Variants in CDK10 observed in about 807,000 individuals in gnomAD.
CDK10 encodes the protein cyclin-dependent kinase 10.
CDK10 carries 55 observed loss-of-function variants against 51.0 expected under a neutral mutation model. The observed-to-expected ratio is 1.08, with a 90% CI of 0.87 to 1.35. The LOEUF is 1.35. CDK10 is among the 40% of genes most tolerant of loss of function. The pLI, the probability that CDK10 is intolerant of heterozygous loss-of-function variation, is 0.00. For missense variants in CDK10, 589 were observed against 485.1 expected, an observed-to-expected ratio of 1.21 and a Z score of -2.01; for synonymous variants, 255 against 199.1, an observed-to-expected ratio of 1.28 and a Z score of -2.36.
chr16:89,695,149 C>G, intron 11 of CDK10, 79 bp downstream of exon 11: 8 of 1,552,818 alleles, frequency 5.2e-6, no homozygotes, highest in Non-Finnish European at 7.0e-6. Context: ...AGCCTCACTG[C>G]GGTGGAGAGG....
chr16:89,686,924 A>G (rs2060215092), intron 1 of CDK10, 127 bp downstream of exon 1: 1 of 765,462 alleles, frequency 1.3e-6, no homozygotes, highest in African/African-American at 1.9e-5. Flanking sequence ...ACAGTCCCAG[A>G]GTTCCCCGCG....
intron 1 of CDK10, 65 bp downstream of exon 1, chr16:89,686,862 G>C: frequency 7.2e-7 from 1 of 1,396,898 alleles, no homozygotes; most frequent in Non-Finnish European, 9.9e-7. Flanking sequence ...GCTGGGTCTG[G>C]GGAGCCTCGT....
intron 8 of CDK10, 113 bp downstream of exon 8, chr16:89,693,580 G>C: frequency 9.6e-7 from 1 of 1,043,332 alleles, no homozygotes; most frequent in Non-Finnish European, 1.5e-6. Flanking sequence ...AAGCTACAGG[G>C]TCTGTGCACA....
chr16:89,690,728 G>C, intron 3 of CDK10, 104 bp downstream of exon 3: 1 of 1,012,244 alleles, frequency 9.9e-7, no homozygotes, highest in Non-Finnish European at 1.6e-6. Context: ...TTGTAGCGGG[G>C]GCCGGCCTCT....
In CDK10 at chr16:89,694,726, G is replaced by T; in HGVS notation, c.730G>T (p.Glu244Ter). ...AHRPLLPGTS[E>*]IHQIDLIVQL... is the part of the protein sequence containing the mutation. ...CAGGCCTCTTCTCCCCGGCACTTCC[G>T]AGATCCACCAGATCGACTTGATCGT... Residue 244 changes from glutamate (E) to a stop codon, truncating the protein, a stop_gained, in exon 10 of 13, where the codon GAG becomes TAG. Transcript: ENST00000353379. LOFTEE classifies it high-confidence loss of function. 1 of 1,581,808 alleles carries T rather than the reference G, an allele frequency of 6.3e-7. No individual in the cohort carries two copies. The highest frequency in any genetic ancestry group is 8.6e-7 in the Non-Finnish European group (1 of 1,164,500).
intron 12 of CDK10, 84 bp from the exon 13 acceptor site, chr16:89,695,511 A>G (rs543789475): frequency 1.3e-6 from 2 of 1,518,460 alleles, no homozygotes; most frequent in Non-Finnish European, 1.8e-6. Flanking sequence ...GGCCAGGTCC[A>G]GAGGCAGAGC....
chr16:89,693,092 TGC>T, intron 6 of CDK10, among the ~76,000 whole-genome samples, 180 bp from the exon 7 acceptor site: 1 of 150,646 alleles, frequency 6.6e-6, no homozygotes, highest in South Asian at 2.1e-4. Context: ...GAGCCGGGAT[TGC>T]TCCACTGCAC....
chr16:89,686,896 C>G, intron 1 of CDK10, 99 bp downstream of exon 1: 3 of 1,045,910 alleles, frequency 2.9e-6, no homozygotes, highest in Non-Finnish European at 4.2e-6. Flanking sequence ...GCCGAGGCTT[C>G]CGGCACGGGC....
chr16:89,695,166 C>T, intron 11 of CDK10, 96 bp downstream of exon 11: 4 of 1,542,680 alleles, frequency 2.6e-6, no homozygotes, highest in Non-Finnish European at 3.5e-6. Flanking sequence ...GAGGCCCCTC[C>T]CCAGGCACAG....
In CDK10 at chr16:89,693,384, C is replaced by G. The variant is rs377740005; in HGVS notation, c.539-14C>G. The G allele has an allele frequency of 5.0e-6, 8 of 1,614,058 alleles. No homozygotes were observed. The African/African-American group carries it at 1.1e-4, about 22-fold the overall frequency. On this transcript the variant is annotated splice_polypyrimidine_tract_variant and intron_variant, in intron 7 of 12. Coordinates refer to ENST00000353379, the MANE Select transcript of CDK10 (RefSeq NM_052988.5). ...GATGGCACTTGGTGACACACACTCCCCTCTCTGCTGCAGCGGATTTCGGCC... is the reference window on the plus strand; with the variant it reads ...GATGGCACTTGGTGACACACACTCCGCTCTCTGCTGCAGCGGATTTCGGCC...
intron 2 of CDK10, 142 bp from the exon 3 acceptor site, chr16:89,690,411 T>C (rs1421201897): frequency 8.4e-6 from 6 of 711,708 alleles, no homozygotes; most frequent in South Asian, 6.2e-5. Flanking sequence ...TTGCACAGAG[T>C]GGGGACTGAG....
Position 89,688,841 on chromosome 16 carries a change from T to C in CDK10, c.88-411T>C, listed in dbSNP as rs1483410858. On this transcript the variant is annotated intron_variant, in intron 1 of 12. Coordinates refer to ENST00000353379, the MANE Select transcript of CDK10 (RefSeq NM_052988.5). ...AGAGGCCGGGTACGGTGGCTCACGC[T>C]TGTAATCCCAGCACTTTGGGAGGCC... Among the ~76,000 whole-genome samples the C allele has an allele frequency of 2.0e-5, 3 of 152,258 alleles. No homozygotes were observed. The East Asian group carries it at 5.8e-4, about 29-fold the overall frequency.
Position 89,686,906 on chromosome 16 carries a change from C to A in CDK10, c.87+109C>A, listed in dbSNP as rs1008726621. ...GCCGCGCCGAGGCTTCCGGCACGGG[C>A]GGGAACGACAGTCCCAGAGTTCCCC... On this transcript the variant is annotated intron_variant, in intron 1 of 12. Coordinates refer to ENST00000353379, the MANE Select transcript of CDK10 (RefSeq NM_052988.5). The A allele has an allele frequency of 2.5e-5, 24 of 951,270 alleles. No individual in the cohort carries two copies. The East Asian group carries it at 6.8e-4, about 27-fold the overall frequency. 58.9% of individuals were successfully genotyped at this position (951,270 alleles called of 1,614,324 possible).
chr16:89,695,262 A>C, intron 11 of CDK10, 31 bp from the exon 12 acceptor site: 1 of 1,595,194 alleles, frequency 6.3e-7, no homozygotes, highest in Non-Finnish European at 8.6e-7. Flanking sequence ...CCGCACTCAC[A>C]AGTCGCACTA....
intron 5 of CDK10, chr16:89,692,165 T>C: frequency 1.8e-6 from 1 of 562,546 alleles, no homozygotes; most frequent in Non-Finnish European, 3.1e-6. Flanking sequence ...AGGGCACTGG[T>C]TTCCTGGGCT....
At chr16:89,691,260 G>A (rs2060432288) in intron 3 of CDK10, among the ~76,000 whole-genome samples, 183 bp from the exon 4 acceptor site, 1 of 152,124 alleles carries the variant, frequency 6.6e-6, no homozygotes, top group African/African-American at 2.4e-5. Flanking sequence ...ACTCCAGCCT[G>A]GGCAACGAGC....
At chr16:89,692,599 A>C in intron 6 of CDK10, 83 bp downstream of exon 6, 266 of 1,016,408 alleles carry the variant, frequency 2.6e-4, no homozygotes, top group Non-Finnish European at 3.5e-4. Context: ...CTAAAAGCTC[A>C]GGGGTTCCCA....
intron 4 of CDK10, 26 bp from the exon 5 acceptor site, chr16:89,691,780 T>C: frequency 6.2e-7 from 1 of 1,605,634 alleles, no homozygotes; most frequent in Non-Finnish European, 8.5e-7. Flanking sequence ...GGCCGGAGAG[T>C]GGCATGCATC....
At chr16:89,693,563 G>T in intron 8 of CDK10, 96 bp downstream of exon 8, 1 of 1,251,456 alleles carries the variant, frequency 8.0e-7, no homozygotes, top group East Asian at 2.4e-5. Context: ...CTGGCCTTGG[G>T]AATGTTAAGC....
Sources: allele counts gnomAD v4.1 joint callset (sites outside exome capture counted in the v4.1 genomes callset), GRCh38; gene constraint gnomAD v4.1.1; transcripts MANE v1.5; gene names NCBI Gene and HGNC (gene_info 2026-07-23, HGNC 2026-07-21).